The following STXBP5L variants were observed in gnomAD, a reference collection of about 807,000 sequenced individuals.
STXBP5L encodes syntaxin-binding protein 5-like.
STXBP5L carries 65 observed loss-of-function variants against 144.5 expected under a neutral mutation model. The observed-to-expected ratio is 0.45, with a 90% CI of 0.37 to 0.55. The LOEUF (loss-of-function observed/expected upper bound fraction) is 0.55. Ranked by LOEUF, STXBP5L falls within the 20% of genes least tolerant of loss-of-function variation. STXBP5L has a pLI of 0.00. For missense variants in STXBP5L, 1,298 were observed against 1,405.5 expected, an observed-to-expected ratio of 0.92 and a Z score of 1.22; for synonymous variants, 505 against 469.6, an observed-to-expected ratio of 1.08 and a Z score of -0.97.
At chr3:121,042,052 T>C (rs899035397) in intron 4 of STXBP5L, among the ~76,000 whole-genome samples, 7 of 152,118 alleles carry the variant, frequency 4.6e-5, no homozygotes, top group Non-Finnish European at 1.0e-4. Context: ...AATCCTAATG[T>C]CTTTTGATTG....
intron 5 of STXBP5L, among the ~76,000 whole-genome samples, chr3:121,085,118 C>A (rs1432130119): frequency 6.6e-6 from 1 of 151,904 alleles, no homozygotes; most frequent in African/African-American, 2.4e-5. Context: ...GGATATTAGA[C>A]CTTTGTCAGA....
At chr3:121,116,175 T>C (rs1034211615) in intron 6 of STXBP5L, among the ~76,000 whole-genome samples, 4 of 152,174 alleles carry the variant, frequency 2.6e-5, no homozygotes, top group Non-Finnish European at 5.9e-5. Context: ...TTATGCTCTC[T>C]ACATATTAGG....
chr3:121,324,392 C>T, intron 20 of STXBP5L: 6 of 555,834 alleles, frequency 1.1e-5, no homozygotes, highest in Non-Finnish European at 1.6e-5. Flanking sequence ...CAGATCTTTC[C>T]AAATAGTTAT....
rs1316687002 is a variant in STXBP5L at position 121,355,724 on chromosome 3, C to A, written c.2177-22992C>A. Among the ~76,000 whole-genome samples, 4 of 152,154 alleles carry A rather than the reference C, an allele frequency of 2.6e-5. No individual in the cohort carries two copies. In the East Asian group the frequency reaches 7.7e-4, roughly 29 times the overall value. ...AAGTCATTCTCCATCCAGCTTTGTT[C>A]TGTTACTGGCGAGGAGCTGCAATCC... On this transcript the variant is annotated intron_variant, in intron 20 of 26. Transcript: ENST00000471454.
chr3:121,364,802 C>T (rs989934132), intron 20 of STXBP5L, among the ~76,000 whole-genome samples: 3 of 151,960 alleles, frequency 2.0e-5, no homozygotes, highest in African/African-American at 4.8e-5. Flanking sequence ...TATTCTACTG[C>T]TTTACTAAAT....
intron 5 of STXBP5L, among the ~76,000 whole-genome samples, chr3:121,050,352 TGTA>T (rs1947871284): frequency 6.6e-6 from 1 of 152,196 alleles, no homozygotes; most frequent in Non-Finnish European, 1.5e-5. Flanking sequence ...AAATAAGTAA[TGTA>T]GCAGAAATTT....
chr3:121,141,523 T>C (rs1159256208), intron 7 of STXBP5L, among the ~76,000 whole-genome samples: 1 of 152,138 alleles, frequency 6.6e-6, no homozygotes, highest in Non-Finnish European at 1.5e-5. Flanking sequence ...GCAAAAGTAA[T>C]TGCAGTAAAG....
chr3:120,930,228 T>C (rs537237881), intron 2 of STXBP5L, among the ~76,000 whole-genome samples: 1 of 151,668 alleles, frequency 6.6e-6, no homozygotes, highest in East Asian at 1.9e-4. Context: ...TCTGGTACTT[T>C]GTCATAGCAG....
chr3:121,214,680 G>A (rs1305810862), intron 10 of STXBP5L, among the ~76,000 whole-genome samples: 1 of 152,174 alleles, frequency 6.6e-6, no homozygotes, highest in Non-Finnish European at 1.5e-5. Flanking sequence ...TGTATATTCT[G>A]TTGATTTGTG....
chr3:121,324,638 A>G lies in STXBP5L; in HGVS notation c.2176+6098A>G, dbSNP rs546369893. 105 of 642,064 alleles carry G rather than the reference A, an allele frequency of 1.6e-4. 1 individual carries two copies. In the South Asian group the frequency reaches 1.8e-3, roughly 11 times the overall value. 39.8% of individuals were successfully genotyped at this position (642,064 alleles called of 1,614,324 possible). A position where few individuals can be genotyped will look rare whatever the true frequency, so the allele number is the denominator to read the frequency against. On this transcript the variant is annotated intron_variant, in intron 20 of 26. Coordinates refer to ENST00000471454, the MANE Select transcript of STXBP5L (RefSeq NM_001308330.2). ...AACAAAAGTTATTCATATCTTCACA[A>G]TTTTCTAGGCTTCACAACTTGTCTC... is the stretch of plus-strand genomic sequence containing the variant.
In STXBP5L at chr3:121,160,569, C is replaced by T. The variant is rs547304466; in HGVS notation, c.877+2942C>T. On this transcript the variant is annotated intron_variant, in intron 9 of 26. Coordinates refer to ENST00000471454, the MANE Select transcript of STXBP5L (RefSeq NM_001308330.2). ...GCAAATATTATGCCATTTTATATAA[C>T]AGACTTAAGCATTTGTGGATTTGGG... 3.3e-5 allele frequency among the ~76,000 whole-genome samples: 5 copies of T among 152,188 alleles called. No homozygotes were observed. The East Asian group carries it at 9.7e-4, about 29-fold the overall frequency.
At chr3:121,063,605 C>T (rs544265441) in intron 5 of STXBP5L, among the ~76,000 whole-genome samples, 9 of 152,306 alleles carry the variant, frequency 5.9e-5, no homozygotes, top group African/African-American at 2.2e-4. Flanking sequence ...GCTCCTTCCT[C>T]CAGGTGCTCT....
At chr3:120,979,784 C>A (rs557033141) in intron 3 of STXBP5L, among the ~76,000 whole-genome samples, 1 of 152,118 alleles carries the variant, frequency 6.6e-6, no homozygotes, top group Admixed American at 6.6e-5. Context: ...CTACCTTTGG[C>A]TTTGTTCTTG....
intron 10 of STXBP5L, among the ~76,000 whole-genome samples, chr3:121,213,008 CTCTG>C (rs1577225981): frequency 1.3e-5 from 2 of 151,904 alleles, no homozygotes; most frequent in African/African-American, 2.4e-5. Flanking sequence ...CGATTTGGCT[CTCTG>C]TCTGTTATTG....
intron 20 of STXBP5L, among the ~76,000 whole-genome samples, chr3:121,375,128 A>G (rs768188046): frequency 6.6e-6 from 1 of 152,192 alleles, no homozygotes; most frequent in Non-Finnish European, 1.5e-5. Context: ...ACTATGCAAT[A>G]TATTCATGTA....
intron 5 of STXBP5L, among the ~76,000 whole-genome samples, chr3:121,093,904 C>A (rs951791451): frequency 7.2e-5 from 11 of 151,970 alleles, no homozygotes; most frequent in Non-Finnish European, 1.5e-5. Context: ...CTCTTGTGGG[C>A]ATTTAGTGCT....
chr3:121,277,864 G>A (rs2050933758), intron 18 of STXBP5L, among the ~76,000 whole-genome samples: 1 of 151,950 alleles, frequency 6.6e-6, no homozygotes, highest in Non-Finnish European at 1.5e-5. Flanking sequence ...CAGTTTCATT[G>A]GTAGTAGCAT....
chr3:121,329,790 G>A (rs773100392), intron 20 of STXBP5L, among the ~76,000 whole-genome samples: 3 of 152,098 alleles, frequency 2.0e-5, no homozygotes, highest in African/African-American at 4.8e-5. Context: ...AACCCAGGAG[G>A]AGGAGGATGC....
intron 19 of STXBP5L, among the ~76,000 whole-genome samples, chr3:121,302,601 G>A (rs968200466): frequency 6.6e-6 from 1 of 152,130 alleles, no homozygotes; most frequent in South Asian, 2.1e-4. Context: ...GAATGTGTTT[G>A]CTCTTGCTTC....
Sources: allele counts gnomAD v4.1 joint callset (sites outside exome capture counted in the v4.1 genomes callset), GRCh38; gene constraint gnomAD v4.1.1; transcripts MANE v1.5; gene names NCBI Gene and HGNC (gene_info 2026-07-23, HGNC 2026-07-21).